The following CENPP variants were observed in gnomAD, a reference collection of about 807,000 sequenced individuals.
The protein encoded by CENPP is centromere protein P.
CENPP carries 24 observed loss-of-function variants against 35.6 expected under a neutral mutation model. That is an observed-to-expected ratio of 0.67 (90% CI 0.49 to 0.95). The LOEUF (loss-of-function observed/expected upper bound fraction) is 0.95, where lower values mean the gene tolerates loss of function less well. Among genes scored for constraint, CENPP ranks in the 40% least tolerant of loss-of-function variants. The pLI is 0.00. For synonymous variants in CENPP, 120 were observed against 125.5 expected (o/e 0.96, Z 0.29); for missense variants, 332 against 345.3 (o/e 0.96, Z 0.31).
intron 5 of CENPP, chr9:92,404,589 A>G (rs1404311333): frequency 2.0e-5 from 26 of 1,292,682 alleles, no homozygotes; most frequent in Non-Finnish European, 2.4e-5. Flanking sequence ...GAGAAAAGCT[A>G]TGTCTTGATT....
chr9:92,592,001 T>C (rs1850673644), intron 5 of CENPP, among the ~76,000 whole-genome samples: 2 of 152,034 alleles, frequency 1.3e-5, no homozygotes, highest in African/African-American at 4.8e-5. Flanking sequence ...CATGTATACA[T>C]ATGTAACTAA....
intron 4 of CENPP, among the ~76,000 whole-genome samples, chr9:92,378,507 C>T (rs1842173134): frequency 6.6e-6 from 1 of 152,132 alleles, no homozygotes; most frequent in Non-Finnish European, 1.5e-5. Flanking sequence ...GAAGACTCTA[C>T]CTGTCCTGCT....
chr9:92,496,822 C>T (rs1490931439), intron 5 of CENPP, among the ~76,000 whole-genome samples: 3 of 152,094 alleles, frequency 2.0e-5, no homozygotes, highest in South Asian at 2.1e-4. Context: ...TAACTTATAT[C>T]GCAGATACAA....
At chr9:92,386,928 G>A (rs1404104517) in intron 5 of CENPP, among the ~76,000 whole-genome samples, 1 of 151,590 alleles carries the variant, frequency 6.6e-6, no homozygotes, top group Admixed American at 6.6e-5. Context: ...GGCGCCTGTA[G>A]TCCCAGCTAC....
chr9:92,378,302 C>G (rs1481005449), intron 4 of CENPP, among the ~76,000 whole-genome samples: 5 of 152,054 alleles, frequency 3.3e-5, no homozygotes, highest in African/African-American at 7.2e-5. Flanking sequence ...TTCTGCCAGG[C>G]CTGTTTCTTC....
At chr9:92,491,302 A>G (rs1166974653) in intron 5 of CENPP, among the ~76,000 whole-genome samples, 1 of 152,138 alleles carries the variant, frequency 6.6e-6, no homozygotes, top group Non-Finnish European at 1.5e-5. Flanking sequence ...CAGGCACTGA[A>G]TAGCGGGGGT....
chr9:92,489,765 C>T (rs1846136829), intron 5 of CENPP, among the ~76,000 whole-genome samples: 1 of 152,162 alleles, frequency 6.6e-6, no homozygotes, highest in Non-Finnish European at 1.5e-5. Context: ...CATACAGTAA[C>T]ACAGAAGAAA....
At chr9:92,535,332 A>T (rs967563176) in intron 5 of CENPP, among the ~76,000 whole-genome samples, 2 of 152,216 alleles carry the variant, frequency 1.3e-5, no homozygotes, top group African/African-American at 4.8e-5. Flanking sequence ...ATTTGCTTTC[A>T]TAAACAACTT....
At chr9:92,345,899 T>C in intron 4 of CENPP, 112 bp downstream of exon 4, 1 of 635,950 alleles carries the variant, frequency 1.6e-6, no homozygotes, top group African/African-American at 1.8e-5. Context: ...TCTCTGAAAG[T>C]ATAACACCAC....
At chr9:92,471,727 C>T (rs1383192932) in intron 5 of CENPP, among the ~76,000 whole-genome samples, 4 of 149,730 alleles carry the variant, frequency 2.7e-5, no homozygotes, top group Non-Finnish European at 4.4e-5. Flanking sequence ...AGTGCAGTGG[C>T]GCCATCTCGG....
At chr9:92,326,434 T>C (rs577851927) in intron 1 of CENPP, among the ~76,000 whole-genome samples, 1 of 152,350 alleles carries the variant, frequency 6.6e-6, no homozygotes, top group Admixed American at 6.5e-5. Flanking sequence ...CTCCGTTTGG[T>C]TTCATGGCAT....
At chr9:92,537,751 A>C (rs981348695) in intron 5 of CENPP, among the ~76,000 whole-genome samples, 24 of 152,250 alleles carry the variant, frequency 1.6e-4, no homozygotes, top group Non-Finnish European at 2.5e-4. Flanking sequence ...GTCAGTGGTC[A>C]ATAAAACAGA....
intron 5 of CENPP, among the ~76,000 whole-genome samples, chr9:92,562,705 ATGG>A (rs1259316264): frequency 1.3e-5 from 2 of 152,118 alleles, no homozygotes; most frequent in East Asian, 3.8e-4. Flanking sequence ...AATTACACAA[ATGG>A]TAGTTTTACC....
Position 92,437,243 on chromosome 9 carries a change from T to A in CENPP, c.564+57384T>A, listed in dbSNP as rs951499474. Among the ~76,000 whole-genome samples, 10 of 152,282 alleles carry A rather than the reference T, an allele frequency of 6.6e-5. No individual in the cohort carries two copies. The South Asian group carries it at 2.1e-3, about 32-fold the overall frequency. On this transcript the variant is annotated intron_variant, in intron 5 of 7. Coordinates refer to ENST00000375587, the MANE Select transcript of CENPP (RefSeq NM_001012267.3). Reference sequence around the variant, plus strand: ...AATCTTGCTGGGATTTTGGTAGGAATTACATTAAAACTGTATATCAATTTG... The same window carrying A: ...AATCTTGCTGGGATTTTGGTAGGAAATACATTAAAACTGTATATCAATTTG...
At chr9:92,391,812 T>C (rs975489657) in intron 5 of CENPP, among the ~76,000 whole-genome samples, 5 of 152,300 alleles carry the variant, frequency 3.3e-5, no homozygotes, top group Non-Finnish European at 4.4e-5. Context: ...TCTGAGCATG[T>C]CTGAGAAAGC....
At chr9:92,345,046 T>C (rs536103366) in intron 3 of CENPP, among the ~76,000 whole-genome samples, 1 of 150,826 alleles carries the variant, frequency 6.6e-6, no homozygotes, top group East Asian at 2.0e-4. Flanking sequence ...GGTCAGGAGA[T>C]CGAGACCATT....
At position 92,442,267 on chromosome 9, in the gene CENPP, G is replaced by A. The variant is rs542778218; in HGVS notation, c.564+62408G>A. On this transcript the variant is annotated intron_variant, in intron 5 of 7. Transcript: ENST00000375587. ...AAAAAAATTAGCCGAGCGTGGTGGCGCATGCCTGTAATCCCAGCCACTTGG... is the reference window on the plus strand; with the variant it reads ...AAAAAAATTAGCCGAGCGTGGTGGCACATGCCTGTAATCCCAGCCACTTGG... Among the ~76,000 whole-genome samples the A allele has an allele frequency of 3.9e-3, 590 of 151,604 alleles. 4 individuals are homozygous for A. Among genetic ancestry groups the A allele is most frequent in the African/African-American group, 0.013 (550 of 41,390 alleles).
Position 92,332,128 on chromosome 9 carries a change from T to C in CENPP, c.108-42T>C, listed in dbSNP as rs776083837. On this transcript the variant is annotated intron_variant, in intron 1 of 7. Transcript: ENST00000375587. Reference sequence around the variant, plus strand: ...AAATGGGGTTATTAGATGAAACACGTGTTAGTAATTGGAGTGATTATTTTT... The same window carrying C: ...AAATGGGGTTATTAGATGAAACACGCGTTAGTAATTGGAGTGATTATTTTT... 4 of 1,351,642 alleles carry C rather than the reference T, an allele frequency of 3.0e-6. No homozygotes were observed. The South Asian group carries it at 5.8e-5, about 19-fold the overall frequency. 83.7% of individuals were successfully genotyped at this position (1,351,642 alleles called of 1,614,324 possible). A position where few individuals can be genotyped will look rare whatever the true frequency, so the allele number is the denominator to read the frequency against.
intron 5 of CENPP, chr9:92,517,811 C>T (rs34729575): frequency 8.7e-6 from 14 of 1,614,192 alleles, no homozygotes; most frequent in East Asian, 2.2e-5. Flanking sequence ...TAGTGCAGGG[C>T]TCAGGCGACC....
Sources: allele counts gnomAD v4.1 joint callset (sites outside exome capture counted in the v4.1 genomes callset), GRCh38; gene constraint gnomAD v4.1.1; transcripts MANE v1.5; gene names NCBI Gene and HGNC (gene_info 2026-07-23, HGNC 2026-07-21).